STXBP6: variants seen among roughly 807,000 people sequenced by gnomAD.
STXBP6 encodes syntaxin binding protein 6.
A neutral mutation model predicts 26.9 loss-of-function variants in STXBP6; 21 were observed. That is an observed-to-expected ratio of 0.78 (90% CI 0.55 to 1.12). STXBP6 has a LOEUF of 1.12. STXBP6 is among the 50% of genes most tolerant of loss of function. STXBP6 has a pLI of 0.00. For synonymous variants in STXBP6, 97 were observed against 92.6 expected (o/e 1.05, Z -0.27); for missense variants, 232 against 257.9 (o/e 0.90, Z 0.69).
chr14:24,889,490 C>A (rs1351777489), intron 2 of STXBP6, among the ~76,000 whole-genome samples: 2 of 149,122 alleles, frequency 1.3e-5, no homozygotes, highest in Non-Finnish European at 3.0e-5. Flanking sequence ...GGGTGCAGCA[C>A]ACCAACATGG....
chr14:24,869,587 A>C (rs893036642), intron 2 of STXBP6, among the ~76,000 whole-genome samples: 2 of 152,154 alleles, frequency 1.3e-5, no homozygotes, highest in African/African-American at 4.8e-5. Context: ...AGCTTTCTCT[A>C]TTCAATTCTC....
chr14:25,044,347 C>T (rs960904956), intron 1 of STXBP6, among the ~76,000 whole-genome samples: 1 of 152,086 alleles, frequency 6.6e-6, no homozygotes, highest in Non-Finnish European at 1.5e-5. Context: ...TTCGGTTTTA[C>T]ATATTCACCA....
At chr14:25,010,909 A>G (rs968640298) in intron 1 of STXBP6, among the ~76,000 whole-genome samples, 1 of 152,210 alleles carries the variant, frequency 6.6e-6, no homozygotes, top group Non-Finnish European at 1.5e-5. Flanking sequence ...TCTACTTTAC[A>G]TACTGACTTT....
intron 2 of STXBP6, among the ~76,000 whole-genome samples, chr14:24,963,970 T>TAAAAAAAA (rs768793147): frequency 1.5e-5 from 1 of 64,714 alleles, no homozygotes; most frequent in East Asian, 4.8e-4. Context: ...AGCAAGTTTC[T>TAAAAAAAA]AAAAAAAAAA....
intron 1 of STXBP6, among the ~76,000 whole-genome samples, chr14:25,018,627 G>C (rs1407004140): frequency 6.6e-6 from 1 of 152,098 alleles, no homozygotes. Flanking sequence ...GGAAAAACCT[G>C]GTTCAGGAAT....
At chr14:24,982,110 C>T (rs1277107592) in intron 1 of STXBP6, among the ~76,000 whole-genome samples, 1 of 152,188 alleles carries the variant, frequency 6.6e-6, no homozygotes, top group Non-Finnish European at 1.5e-5. Flanking sequence ...TCGTACTCCA[C>T]TAAAATCTCA....
At chr14:25,035,973 T>C (rs1347629287) in intron 1 of STXBP6, among the ~76,000 whole-genome samples, 1 of 152,116 alleles carries the variant, frequency 6.6e-6, no homozygotes, top group Non-Finnish European at 1.5e-5. Context: ...ATCCCAGCAC[T>C]TTGGGAGACT....
At chr14:25,011,495 TG>T (rs1448076462) in intron 1 of STXBP6, among the ~76,000 whole-genome samples, 2 of 152,176 alleles carry the variant, frequency 1.3e-5, no homozygotes, top group East Asian at 3.9e-4. Flanking sequence ...GAGCTAATGT[TG>T]TTCATTAGCC....
At chr14:24,884,385 C>A (rs1366145515) in intron 2 of STXBP6, among the ~76,000 whole-genome samples, 3 of 152,154 alleles carry the variant, frequency 2.0e-5, no homozygotes, top group Non-Finnish European at 2.9e-5. Flanking sequence ...ACAGAAGGTA[C>A]CAACATCTCC....
intron 2 of STXBP6, among the ~76,000 whole-genome samples, chr14:24,899,801 C>CAAA (rs56666133): frequency 1.1e-4 from 12 of 108,614 alleles, no homozygotes; most frequent in South Asian, 6.6e-4. Flanking sequence ...AAAAAAAAAG[C>CAAA]AAAAAAAAAA....
At chr14:24,864,668 G>A (rs1342434610) in intron 2 of STXBP6, among the ~76,000 whole-genome samples, 1 of 152,114 alleles carries the variant, frequency 6.6e-6, no homozygotes, top group Non-Finnish European at 1.5e-5. Context: ...GTAACAGAGA[G>A]AGAATTTTTA....
intron 2 of STXBP6, among the ~76,000 whole-genome samples, chr14:24,926,858 A>G (rs1005830603): frequency 2.6e-5 from 4 of 152,162 alleles, no homozygotes; most frequent in Non-Finnish European, 5.9e-5. Flanking sequence ...GGGGGATCAA[A>G]TGAGTTAATA....
chr14:25,003,025 C>A (rs1223928398), intron 1 of STXBP6, among the ~76,000 whole-genome samples: 2 of 152,162 alleles, frequency 1.3e-5, no homozygotes, highest in African/African-American at 2.4e-5. Flanking sequence ...CCGCGGCCGG[C>A]CTAATGTACA....
intron 2 of STXBP6, among the ~76,000 whole-genome samples, chr14:24,935,672 T>C (rs960031515): frequency 3.3e-5 from 5 of 152,224 alleles, no homozygotes; most frequent in African/African-American, 1.2e-4. Context: ...GCAAAGAGTA[T>C]AAAATGTCTA....
intron 2 of STXBP6, among the ~76,000 whole-genome samples, chr14:24,936,705 C>T (rs2072613366): frequency 6.6e-6 from 1 of 152,202 alleles, no homozygotes; most frequent in East Asian, 1.9e-4. Context: ...GTTCCTATTT[C>T]TCTACATCCT....
At chr14:24,911,634 G>C (rs1392958825) in intron 2 of STXBP6, among the ~76,000 whole-genome samples, 1 of 152,192 alleles carries the variant, frequency 6.6e-6, no homozygotes, top group Non-Finnish European at 1.5e-5. Context: ...CAGCCCAACA[G>C]TCAGTCATTT....
At chr14:24,824,400 T>A (rs1266417710) in intron 4 of STXBP6, among the ~76,000 whole-genome samples, 1 of 152,176 alleles carries the variant, frequency 6.6e-6, no homozygotes, top group Non-Finnish European at 1.5e-5. Flanking sequence ...ATTTTATAGA[T>A]GAATAATAAT....
intron 1 of STXBP6, among the ~76,000 whole-genome samples, chr14:25,029,736 C>A (rs1264197618): frequency 6.6e-6 from 1 of 152,084 alleles, no homozygotes; most frequent in Non-Finnish European, 1.5e-5. Flanking sequence ...AGGTGCTTTC[C>A]CTCCTGAAAA....
chr14:24,952,048 A>G (rs556600028), intron 2 of STXBP6, among the ~76,000 whole-genome samples: 1 of 151,170 alleles, frequency 6.6e-6, no homozygotes, highest in East Asian at 1.9e-4. Context: ...ACACATATAA[A>G]AATATTAAAG....
Sources: gnomAD v4.1 joint callset for allele counts (sites outside exome capture counted in the v4.1 genomes callset) on GRCh38, gnomAD v4.1.1 for gene constraint, MANE v1.5 for transcripts, NCBI Gene and HGNC (gene_info 2026-07-23, HGNC 2026-07-21) for gene names.